The following NPAS3 variants were observed in gnomAD, a reference collection of about 807,000 sequenced individuals.
The protein encoded by NPAS3 is neuronal PAS domain-containing protein 3.
In NPAS3, 14 loss-of-function variants were observed where a neutral mutation model predicts 73.1. The ratio of observed to expected loss-of-function variants is 0.19; its 90% CI spans 0.13 to 0.30. The LOEUF (loss-of-function observed/expected upper bound fraction) is 0.30. Among genes scored for constraint, NPAS3 ranks in the 10% least tolerant of loss-of-function variants. NPAS3 has a pLI of 1.00. For synonymous variants in NPAS3, 620 were observed against 541.5 expected (o/e 1.14, Z -2.01); for missense variants, 1,096 against 1,250.0 (o/e 0.88, Z 1.86).
chr14:33,307,100 G>T (rs1306217705), intron 3 of NPAS3, among the ~76,000 whole-genome samples: 1 of 152,132 alleles, frequency 6.6e-6, no homozygotes, highest in Non-Finnish European at 1.5e-5. Context: ...GGCTTAATGT[G>T]CCTGGGCTTT....
chr14:33,713,654 C>T (rs531864230), intron 6 of NPAS3, among the ~76,000 whole-genome samples: 3 of 152,336 alleles, frequency 2.0e-5, no homozygotes, highest in Non-Finnish European at 2.9e-5. Flanking sequence ...TCACCACCAC[C>T]ATCTCACCCT....
chr14:33,750,502 G>GT (rs1248356583), intron 7 of NPAS3, among the ~76,000 whole-genome samples: 2 of 152,076 alleles, frequency 1.3e-5, no homozygotes, highest in Non-Finnish European at 2.9e-5. Context: ...TTAGAATGTA[G>GT]TTTTTTTCCC....
intron 2 of NPAS3, among the ~76,000 whole-genome samples, chr14:33,095,658 TTTTATTTTTTTA>T (rs1234128278): frequency 2.8e-4 from 12 of 42,554 alleles, no homozygotes; most frequent in African/African-American, 8.2e-4. Context: ...CATTCTCTGC[TTTTATTTTTTTA>T]TTTTTTTTTT....
intron 5 of NPAS3, among the ~76,000 whole-genome samples, chr14:33,604,574 T>A (rs1339522666): frequency 1.3e-5 from 2 of 152,086 alleles, no homozygotes; most frequent in African/African-American, 4.8e-5. Flanking sequence ...AGATATAGAA[T>A]CTTTAAATAG....
intron 6 of NPAS3, among the ~76,000 whole-genome samples, chr14:33,703,980 AG>A (rs1481000113): frequency 6.6e-6 from 1 of 152,224 alleles, no homozygotes; most frequent in East Asian, 1.9e-4. Flanking sequence ...CTCGTCTCAG[AG>A]CTGGGAAACC....
chr14:33,075,362 T>G (rs2041621743), intron 2 of NPAS3, among the ~76,000 whole-genome samples: 1 of 152,258 alleles, frequency 6.6e-6, no homozygotes, highest in South Asian at 2.1e-4. Flanking sequence ...TTGCATCATT[T>G]AAAAACGTTT....
At chr14:33,498,494 G>A (rs550443847) in intron 4 of NPAS3, among the ~76,000 whole-genome samples, 22 of 152,124 alleles carry the variant, frequency 1.4e-4, no homozygotes, top group East Asian at 7.8e-4. Flanking sequence ...CATATACACC[G>A]TGGAGTACTA....
rs1191623768 is a variant in NPAS3 at position 33,334,629 on chromosome 14, G to A, written c.386-32557G>A. Among the ~76,000 whole-genome samples the A allele has an allele frequency of 2.0e-5, 3 of 152,112 alleles. No homozygotes were observed. The East Asian group carries it at 5.8e-4, about 29-fold the overall frequency. On this transcript the variant is annotated intron_variant, in intron 3 of 11. Coordinates refer to ENST00000356141, the Ensembl canonical transcript of NPAS3. ...ATCTTTCACCTTCAGTCTGATTCGA[G>A]TCAAAGATGAGTCTTAGGCACCATC...
At chr14:33,117,081 A>G (rs1401224745) in intron 2 of NPAS3, among the ~76,000 whole-genome samples, 1 of 152,070 alleles carries the variant, frequency 6.6e-6, no homozygotes, top group Non-Finnish European at 1.5e-5. Flanking sequence ...AATTTGACAC[A>G]TTATAGTTGT....
At chr14:33,598,034 G>C (rs2057296819) in intron 5 of NPAS3, among the ~76,000 whole-genome samples, 1 of 152,184 alleles carries the variant, frequency 6.6e-6, no homozygotes, top group African/African-American at 2.4e-5. Context: ...AGACAAGCTA[G>C]AGGTCAGGTT....
intron 2 of NPAS3, among the ~76,000 whole-genome samples, chr14:33,190,099 TATTTC>T (rs1394984709): frequency 2.0e-5 from 3 of 152,218 alleles, no homozygotes; most frequent in Non-Finnish European, 2.9e-5. Flanking sequence ...TAGAAATACT[TATTTC>T]AGTATTATTG....
intron 5 of NPAS3, among the ~76,000 whole-genome samples, chr14:33,669,598 C>A (rs983348744): frequency 1.3e-5 from 2 of 152,154 alleles, no homozygotes; most frequent in Non-Finnish European, 1.5e-5. Flanking sequence ...GTATAATTTA[C>A]CCTTAAACAA....
intron 3 of NPAS3, among the ~76,000 whole-genome samples, chr14:33,295,268 G>C (rs1013661618): frequency 2.0e-5 from 3 of 152,100 alleles, no homozygotes; most frequent in Non-Finnish European, 4.4e-5. Context: ...ATACCTCCCA[G>C]CTCCCGTAAG....
At chr14:33,055,463 T>C (rs1051871409) in intron 1 of NPAS3, among the ~76,000 whole-genome samples, 2 of 152,242 alleles carry the variant, frequency 1.3e-5, no homozygotes, top group Non-Finnish European at 2.9e-5. Context: ...CTGAAAAATA[T>C]ATTAACTCGA....
intron 5 of NPAS3, among the ~76,000 whole-genome samples, chr14:33,648,383 T>C (rs1228103924): frequency 6.6e-6 from 1 of 152,212 alleles, no homozygotes; most frequent in African/African-American, 2.4e-5. Flanking sequence ...GTGTCACTTT[T>C]TGAAAATAAC....
chr14:33,556,837 A>G (rs536394636), intron 4 of NPAS3, among the ~76,000 whole-genome samples: 2 of 152,228 alleles, frequency 1.3e-5, no homozygotes, highest in South Asian at 4.1e-4. Context: ...TCTGCACCCA[A>G]CCAGGCTTCC....
rs149506049 is a variant in NPAS3, at chr14:33,556,376, T to C, written c.469-3745T>C. 3.0e-3 allele frequency among the ~76,000 whole-genome samples: 461 copies of C among 152,314 alleles called. 4 individuals carry two copies. Among genetic ancestry groups the C allele is most frequent in the African/African-American group, 0.011 (439 of 41,574 alleles). On this transcript the variant is annotated intron_variant, in intron 4 of 11. Coordinates refer to ENST00000356141, the Ensembl canonical transcript of NPAS3. Reference sequence around the variant, plus strand: ...GGTATCCCAGACCATAGTGGAAATCTGTGGAATCTGAATCTGTAAATAATC... The same window carrying C: ...GGTATCCCAGACCATAGTGGAAATCCGTGGAATCTGAATCTGTAAATAATC...
At chr14:33,028,443 G>T (rs965346287) in intron 1 of NPAS3, among the ~76,000 whole-genome samples, 1 of 152,166 alleles carries the variant, frequency 6.6e-6, no homozygotes, top group African/African-American at 2.4e-5. Flanking sequence ...TAACAAGTGA[G>T]TGAATGCCAC....
downstream of NPAS3, chr14:33,803,375 A>G (rs567992349): frequency 1.7e-4 from 26 of 152,266 alleles, no homozygotes; most frequent in East Asian, 3.9e-3. Flanking sequence ...TTCCTCTAGG[A>G]CCTTTGATTT....
Sources: allele counts gnomAD v4.1 joint callset (sites outside exome capture counted in the v4.1 genomes callset), GRCh38; gene constraint gnomAD v4.1.1; transcripts MANE v1.5; gene names NCBI Gene and HGNC (gene_info 2026-07-23, HGNC 2026-07-21).